Variants in UBE2U observed in about 807,000 individuals in gnomAD.
The protein encoded by UBE2U is ubiquitin conjugating enzyme E2 U.
UBE2U carries 39 observed loss-of-function variants against 41.2 expected under a neutral mutation model. The ratio of observed to expected loss-of-function variants is 0.95; its 90% CI spans 0.73 to 1.24. The LOEUF is 1.24. Ranked by LOEUF, UBE2U falls within the 50% of genes most tolerant of loss-of-function variation. The pLI is 0.00. For synonymous variants in UBE2U, 107 were observed against 117.8 expected, an observed-to-expected ratio of 0.91 and a Z score of 0.60; for missense variants, 336 against 363.1, an observed-to-expected ratio of 0.93 and a Z score of 0.61.
intron 6 of UBE2U, among the ~76,000 whole-genome samples, chr1:64,230,376 C>A (rs555704191): frequency 6.6e-6 from 1 of 152,278 alleles, no homozygotes; most frequent in Middle Eastern, 3.4e-3. Context: ...ATCAAGATTA[C>A]GGAATCAACT....
At chr1:64,204,982 G>T (rs189563001) in intron 1 of UBE2U, among the ~76,000 whole-genome samples, 2 of 152,170 alleles carry the variant, frequency 1.3e-5, no homozygotes. Context: ...TGTTGAAAGA[G>T]AATCCAATGA....
At chr1:64,228,100 C>A (rs1372957766) in intron 6 of UBE2U, among the ~76,000 whole-genome samples, 1 of 152,036 alleles carries the variant, frequency 6.6e-6, no homozygotes, top group Non-Finnish European at 1.5e-5. Flanking sequence ...GCACAAAGGA[C>A]ATAGAATGAG....
rs185273844 is a variant in UBE2U at position 64,229,682 on chromosome 1, G to A, written c.507-2879G>A. 5.7e-3 allele frequency among the ~76,000 whole-genome samples: 871 copies of A among 152,288 alleles called. 3 individuals carry two copies. Among genetic ancestry groups the A allele is most frequent in the Middle Eastern group, 0.014 (4 of 294 alleles). On this transcript the variant is annotated intron_variant, in intron 6 of 9. Coordinates refer to ENST00000371077, the MANE Select transcript of UBE2U (RefSeq NM_001366232.2). Reference sequence around the variant, plus strand: ...TTAGGGGTTTAATTGTTAGGCTTTCGTTGTGGCTGGGATGTTGCTTCCTTG... The same window carrying A: ...TTAGGGGTTTAATTGTTAGGCTTTCATTGTGGCTGGGATGTTGCTTCCTTG...
intron 9 of UBE2U, 63 bp from the exon 10 acceptor site, chr1:64,266,961 C>G (rs1048938599): frequency 7.0e-7 from 1 of 1,437,644 alleles, no homozygotes; most frequent in African/African-American, 1.4e-5. Flanking sequence ...AGGAACACTT[C>G]TCTTTTTATT....
intron 3 of UBE2U, among the ~76,000 whole-genome samples, chr1:64,207,375 T>G (rs755671251): frequency 4.5e-4 from 69 of 152,348 alleles, no homozygotes; most frequent in South Asian, 8.3e-4. Flanking sequence ...GGTCTTGAAC[T>G]CCTGACCATC....
intron 7 of UBE2U, among the ~76,000 whole-genome samples, chr1:64,240,255 C>G (rs143391759): frequency 6.6e-6 from 1 of 152,208 alleles, no homozygotes; most frequent in East Asian, 1.9e-4. Flanking sequence ...GTTTGGGACA[C>G]TAACTTTAAT....
At chr1:64,207,107 G>C (rs113438415) in intron 3 of UBE2U, among the ~76,000 whole-genome samples, 1 of 152,052 alleles carries the variant, frequency 6.6e-6, no homozygotes, top group Non-Finnish European at 1.5e-5. Flanking sequence ...TACAGTTGAG[G>C]TATTATGCAT....
chr1:64,266,898 T>A (rs705548), intron 9 of UBE2U, 126 bp from the exon 10 acceptor site: 359,238 of 790,786 alleles, frequency 0.45, 84,693 homozygotes, highest in Middle Eastern at 0.54. Flanking sequence ...AGAAAGTGTA[T>A]AAAAGGTTGC....
chr1:64,242,656 T>G (rs1023991124), intron 8 of UBE2U, among the ~76,000 whole-genome samples: 2 of 152,190 alleles, frequency 1.3e-5, no homozygotes, highest in African/African-American at 4.8e-5. Context: ...TAGTTCAGAC[T>G]GAGTTTTTCA....
At position 64,255,614 on chromosome 1, in the gene UBE2U, C is replaced by T. The variant is rs1426787489; in HGVS notation, c.678-4989C>T. Among the ~76,000 whole-genome samples, 6 of 152,238 alleles carry T rather than the reference C, an allele frequency of 3.9e-5. No individual in the cohort carries two copies. In the South Asian group the frequency reaches 6.2e-4, roughly 16 times the overall value. On this transcript the variant is annotated intron_variant, in intron 8 of 9. Coordinates refer to ENST00000371077, the MANE Select transcript of UBE2U (RefSeq NM_001366232.2). ...TCATCCTTAGGGTGCAAGGTTGGCT[C>T]AACATACACAAATCAATAAATGTGA...
At chr1:64,234,889 T>G (rs1644637448) in intron 7 of UBE2U, among the ~76,000 whole-genome samples, 1 of 152,102 alleles carries the variant, frequency 6.6e-6, no homozygotes, top group South Asian at 2.1e-4. Flanking sequence ...ACAAACACTG[T>G]GTTGAGAGAC....
chr1:64,211,735 C>A (rs1179663942), intron 4 of UBE2U, among the ~76,000 whole-genome samples: 1 of 152,188 alleles, frequency 6.6e-6, no homozygotes, highest in African/African-American at 2.4e-5. Flanking sequence ...GCCACCACAT[C>A]CACCCAGTGT....
rs554251163 is a variant in UBE2U at position 64,244,196 on chromosome 1, G to T, written c.677+2463G>T. 33 of 1,597,718 alleles carry T rather than the reference G, an allele frequency of 2.1e-5. No individual in the cohort carries two copies. The South Asian group carries it at 3.3e-4, about 16-fold the overall frequency. The stretch of plus-strand genomic sequence containing the variant: ...GAGCTTCAGAGTCAAACAGATGTTG[G>T]AGAAATTCTTAACCACTCTGAACTT... On this transcript the variant is annotated intron_variant, in intron 8 of 9. Transcript: ENST00000371077.
At chr1:64,208,819 C>G (rs1212016256) in intron 3 of UBE2U, among the ~76,000 whole-genome samples, 5 of 152,046 alleles carry the variant, frequency 3.3e-5, no homozygotes, top group African/African-American at 1.2e-4. Flanking sequence ...TCCTTAGAAT[C>G]TTCACTGCGT....
At chr1:64,220,978 T>C (rs1652415367) in intron 6 of UBE2U, 71 bp downstream of exon 6, 3 of 1,001,880 alleles carry the variant, frequency 3.0e-6, no homozygotes, top group African/African-American at 3.4e-5. Flanking sequence ...CTCTTTATGT[T>C]TTTCATCATA....
rs1046815279 is a variant in UBE2U, at chr1:64,203,687, A to G, written c.-364A>G. On this transcript the variant is annotated 5_prime_UTR_variant, in exon 1 of 10. Coordinates refer to ENST00000371077, the MANE Select transcript of UBE2U (RefSeq NM_001366232.2). ...ACCTGTGAAGCGAAGACAACCTGCTAGGACCCTGATAGGCGTACACCTCTC... is the reference window on the plus strand; with the variant it reads ...ACCTGTGAAGCGAAGACAACCTGCTGGGACCCTGATAGGCGTACACCTCTC... 8 of 179,718 alleles carry G rather than the reference A, an allele frequency of 4.5e-5. No individual in the cohort carries two copies. The highest frequency in any genetic ancestry group is 8.1e-5 in the Non-Finnish European group (7 of 86,580). The allele number at this position is 179,718 out of a possible 1,614,324, so 11.1% of individuals were successfully genotyped here. A position where few individuals can be genotyped will look rare whatever the true frequency, so the allele number is the denominator to read the frequency against.
chr1:64,239,366 G>A (rs922808629), intron 7 of UBE2U, among the ~76,000 whole-genome samples: 3 of 151,646 alleles, frequency 2.0e-5, no homozygotes, highest in African/African-American at 7.3e-5. Flanking sequence ...AACATAGTAG[G>A]GTTTTTTTTA....
intron 8 of UBE2U, among the ~76,000 whole-genome samples, chr1:64,258,146 ATATT>A (rs1223106566): frequency 7.9e-5 from 12 of 152,080 alleles, no homozygotes; most frequent in Non-Finnish European, 1.3e-4. Context: ...CTTGATTTTT[ATATT>A]TATTCATTTT....
At chr1:64,258,656 C>A (rs1645134868) in intron 8 of UBE2U, among the ~76,000 whole-genome samples, 2 of 152,222 alleles carry the variant, frequency 1.3e-5, no homozygotes, top group African/African-American at 4.8e-5. Context: ...TGAACTCATC[C>A]TTTTTTATGG....
Sources: allele counts gnomAD v4.1 joint callset (sites outside exome capture counted in the v4.1 genomes callset), GRCh38; gene constraint gnomAD v4.1.1; transcripts MANE v1.5; gene names NCBI Gene and HGNC (gene_info 2026-07-23, HGNC 2026-07-21).